GDPD5: variants seen among roughly 807,000 people sequenced by gnomAD.
The protein encoded by GDPD5 is glycerophosphodiester phosphodiesterase domain containing 5, also known as glycerophosphodiester phosphodiesterase 2.
A neutral mutation model predicts 75.1 loss-of-function variants in GDPD5; 48 were observed. The observed-to-expected ratio is 0.64, with a 90% CI of 0.51 to 0.81. The LOEUF is 0.81. GDPD5 is among the 40% of genes least tolerant of loss of function. The pLI, the probability that GDPD5 is intolerant of heterozygous loss-of-function variation, is 0.00. For synonymous variants in GDPD5, 336 were observed against 339.0 expected (o/e 0.99, Z 0.10); for missense variants, 706 against 822.6 (o/e 0.86, Z 1.73).
chr11:75,497,966 A>T (rs530346070), intron 1 of GDPD5, among the ~76,000 whole-genome samples: 1 of 152,208 alleles, frequency 6.6e-6, no homozygotes, highest in Admixed American at 6.5e-5. Flanking sequence ...AGTTGAGCAC[A>T]TACAAAATGG....
At chr11:75,455,565 C>A (rs769785271) in intron 6 of GDPD5, among the ~76,000 whole-genome samples, 19 of 152,346 alleles carry the variant, frequency 1.2e-4, no homozygotes, top group South Asian at 4.1e-4. Context: ...CTTTCCTATT[C>A]CACATCCGTC....
At chr11:75,443,714 G>GTTCT (rs1243842800) in intron 10 of GDPD5, among the ~76,000 whole-genome samples, 12 of 152,192 alleles carry the variant, frequency 7.9e-5, no homozygotes, top group Non-Finnish European at 1.8e-4. Flanking sequence ...TGCAAATGTA[G>GTTCT]ACCTCTTTGG....
At chr11:75,483,380 G>A (rs1277497693) in intron 2 of GDPD5, among the ~76,000 whole-genome samples, 1 of 152,198 alleles carries the variant, frequency 6.6e-6, no homozygotes, top group South Asian at 2.1e-4. Context: ...GCAGAGGCAG[G>A]ATGCTGGGAT....
intron 2 of GDPD5, among the ~76,000 whole-genome samples, chr11:75,483,435 C>T (rs529800793): frequency 9.9e-5 from 15 of 152,268 alleles, no homozygotes; most frequent in Admixed American, 2.0e-4. Context: ...CATCCCGGGA[C>T]GCACTGGCCT....
intron 1 of GDPD5, among the ~76,000 whole-genome samples, chr11:75,517,780 A>G (rs188901828): frequency 1.3e-5 from 2 of 151,714 alleles, no homozygotes; most frequent in East Asian, 1.9e-4. Flanking sequence ...GAGGCCTCCA[A>G]TGTTCCCTGG....
chr11:75,484,306 T>C (rs1237167118), intron 2 of GDPD5, among the ~76,000 whole-genome samples: 8 of 152,192 alleles, frequency 5.3e-5, no homozygotes, highest in Non-Finnish European at 1.0e-4. Flanking sequence ...GTCACATGAA[T>C]GTCTGCACTA....
At chr11:75,478,942 T>C (rs1405877399) in intron 2 of GDPD5, among the ~76,000 whole-genome samples, 1 of 152,210 alleles carries the variant, frequency 6.6e-6, no homozygotes, top group Non-Finnish European at 1.5e-5. Context: ...ACTGCTCTAG[T>C]GCCCCAAAGT....
chr11:75,506,497 G>T (rs1013486396), intron 1 of GDPD5, among the ~76,000 whole-genome samples: 1 of 152,092 alleles, frequency 6.6e-6, no homozygotes, highest in African/African-American at 2.4e-5. Flanking sequence ...TACTTAAATC[G>T]CACAAAGCCT....
chr11:75,524,176 G>A (rs1467436427), intron 1 of GDPD5, among the ~76,000 whole-genome samples: 1 of 152,246 alleles, frequency 6.6e-6, no homozygotes, highest in Non-Finnish European at 1.5e-5. Context: ...TCCTTCCTGG[G>A]CAGAGGTATC....
intron 1 of GDPD5, among the ~76,000 whole-genome samples, chr11:75,509,563 A>T (rs1002362127): frequency 6.6e-6 from 1 of 152,238 alleles, no homozygotes; most frequent in African/African-American, 2.4e-5. Context: ...TTTGTGGAGT[A>T]AGTCAGTTTA....
intron 16 of GDPD5, 38 bp from the exon 17 acceptor site, chr11:75,435,693 G>T (rs780830160): frequency 6.4e-7 from 1 of 1,562,190 alleles, no homozygotes; most frequent in Non-Finnish European, 8.7e-7. Context: ...GAGTCGGGGA[G>T]GAGGCAGTCG....
At chr11:75,463,261 CA>C (rs2135300159) in intron 3 of GDPD5, among the ~76,000 whole-genome samples, 1 of 152,322 alleles carries the variant, frequency 6.6e-6, no homozygotes, top group South Asian at 2.1e-4. Flanking sequence ...CACATGCCTA[CA>C]AAGCAGGCAC....
intron 3 of GDPD5, among the ~76,000 whole-genome samples, chr11:75,466,139 G>A (rs571288080): frequency 1.3e-5 from 2 of 152,338 alleles, no homozygotes; most frequent in East Asian, 3.9e-4. Context: ...TGGAAGGAAT[G>A]CAGGCAGGGC....
At position 75,435,471 on chromosome 11, in the gene GDPD5, C is replaced by G. The variant is rs1948600345; in HGVS notation, c.*36G>C. 3 of 1,529,438 alleles carry G rather than the reference C, an allele frequency of 2.0e-6. No individual in the cohort carries two copies. Among genetic ancestry groups the G allele is most frequent in the Non-Finnish European group, 2.6e-6 (3 of 1,135,546 alleles). 94.7% of individuals were successfully genotyped at this position (1,529,438 alleles called of 1,614,324 possible). A position where few individuals can be genotyped will look rare whatever the true frequency, so the allele number is the denominator to read the frequency against. ...CCAGCTCTCCTAGGCTCCCCAGCTTCTGTGTCAGGTACAGGTGGGACAGAC... is the reference window on the plus strand; with the variant it reads ...CCAGCTCTCCTAGGCTCCCCAGCTTGTGTGTCAGGTACAGGTGGGACAGAC... On this transcript the variant is annotated 3_prime_UTR_variant, in exon 17 of 17. Coordinates refer to ENST00000336898, the MANE Select transcript of GDPD5 (RefSeq NM_030792.8).
At chr11:75,514,834 G>A (rs901124713) in intron 1 of GDPD5, among the ~76,000 whole-genome samples, 1 of 152,242 alleles carries the variant, frequency 6.6e-6, no homozygotes, top group African/African-American at 2.4e-5. Flanking sequence ...GAGAAGGGGG[G>A]CATGATGAGG....
At position 75,456,834 on chromosome 11, in the gene GDPD5, G is replaced by A. The variant is rs761053469; in HGVS notation, c.316-18C>T. 1.2e-6 allele frequency: 2 copies of A among 1,613,754 alleles called. No homozygotes were observed. The highest frequency in any genetic ancestry group is 1.1e-5 in the South Asian group (1 of 91,074). ...GCCAGGACCTGAGGAGGGACCCACA[G>A]GGTGATTGTCAGGCCCGTGTGGGCG... is the stretch of plus-strand genomic sequence containing the variant. On this transcript the variant is annotated intron_variant, in intron 5 of 16. Transcript: ENST00000336898.
intron 2 of GDPD5, among the ~76,000 whole-genome samples, chr11:75,481,960 G>A: frequency 6.6e-6 from 1 of 152,228 alleles, no homozygotes. Context: ...TGGGGGCAGG[G>A]AGGGGGAAAA....
At chr11:75,456,714 G>C (rs1565192057) in intron 6 of GDPD5, 43 bp downstream of exon 6, 1 of 1,601,372 alleles carries the variant, frequency 6.2e-7, no homozygotes, top group African/African-American at 1.3e-5. Context: ...GCTGCCTCCA[G>C]CTTCCCTTGC....
chr11:75,512,129 T>G (rs1189856683), intron 1 of GDPD5, among the ~76,000 whole-genome samples: 1 of 152,086 alleles, frequency 6.6e-6, no homozygotes, highest in African/African-American at 2.4e-5. Flanking sequence ...CATGGATGCA[T>G]GGAAGAATGC....
Sources: allele counts gnomAD v4.1 joint callset (sites outside exome capture counted in the v4.1 genomes callset), GRCh38; gene constraint gnomAD v4.1.1; transcripts MANE v1.5; gene names NCBI Gene and HGNC (gene_info 2026-07-23, HGNC 2026-07-21).